The following CSMD1 variants were observed in gnomAD, a reference collection of about 807,000 sequenced individuals.
CSMD1 encodes CUB and Sushi multiple domains 1.
Under a neutral mutation model 417.5 loss-of-function variants are expected in CSMD1, and 213 were observed. The ratio of observed to expected loss-of-function variants is 0.51; its 90% CI spans 0.46 to 0.57. The LOEUF (loss-of-function observed/expected upper bound fraction) is 0.57. CSMD1 is among the 20% of genes least tolerant of loss of function. CSMD1 has a pLI of 0.00. For synonymous variants in CSMD1, 2,862 were observed against 1,736.8 expected (o/e 1.65, Z -16.11); for missense variants, 6,923 against 4,529.7 (o/e 1.53, Z -15.17).
Position 4,929,632 on chromosome 8 carries a change from A to T in CSMD1, c.85+64700T>A, listed in dbSNP as rs373567310. Among the ~76,000 whole-genome samples, 36 of 152,210 alleles carry T rather than the reference A, an allele frequency of 2.4e-4. 1 individual carries two copies. The East Asian group carries it at 6.2e-3, about 26-fold the overall frequency. Reference sequence around the variant, plus strand: ...GATTTCATCATTTGTCACCATTTTCATCTGATTCAATTAACTGACACATCA... The same window carrying T: ...GATTTCATCATTTGTCACCATTTTCTTCTGATTCAATTAACTGACACATCA... On this transcript the variant is annotated intron_variant, in intron 1 of 69. Coordinates refer to ENST00000635120, the MANE Select transcript of CSMD1 (RefSeq NM_033225.6).
At chr8:3,472,491 C>CA (rs1817164091) in intron 11 of CSMD1, among the ~76,000 whole-genome samples, 1 of 152,074 alleles carries the variant, frequency 6.6e-6, no homozygotes, top group Non-Finnish European at 1.5e-5. Context: ...CCATCTCTGA[C>CA]AAAACTCCAA....
chr8:4,280,707 A>G (rs1295949551), intron 3 of CSMD1, among the ~76,000 whole-genome samples: 1 of 152,222 alleles, frequency 6.6e-6, no homozygotes, highest in Non-Finnish European at 1.5e-5. Context: ...CTCTATAGCA[A>G]TACCGTGTAA....
At chr8:3,606,510 C>A (rs1334505159) in intron 8 of CSMD1, among the ~76,000 whole-genome samples, 1 of 72,556 alleles carries the variant, frequency 1.4e-5, no homozygotes, top group Non-Finnish European at 3.9e-5. Context: ...ATAGGGTACT[C>A]CCTATGAATG....
chr8:4,209,144 A>T (rs1247634907), intron 3 of CSMD1, among the ~76,000 whole-genome samples: 3 of 152,138 alleles, frequency 2.0e-5, no homozygotes, highest in Non-Finnish European at 4.4e-5. Flanking sequence ...TCTATCTAAA[A>T]CCAAAATCTG....
At chr8:3,507,454 A>G (rs975803477) in intron 10 of CSMD1, among the ~76,000 whole-genome samples, 1 of 152,160 alleles carries the variant, frequency 6.6e-6, no homozygotes, top group Non-Finnish European at 1.5e-5. Context: ...GAATAGTGCC[A>G]CAGTAAACAT....
At chr8:3,473,253 A>T (rs763950088) in intron 11 of CSMD1, among the ~76,000 whole-genome samples, 5 of 152,200 alleles carry the variant, frequency 3.3e-5, no homozygotes, top group Admixed American at 6.5e-5. Context: ...GCACACTGCC[A>T]TATTCCACAC....
intron 5 of CSMD1, among the ~76,000 whole-genome samples, chr8:3,756,299 G>C (rs915277442): frequency 6.6e-6 from 1 of 151,266 alleles, no homozygotes; most frequent in Non-Finnish European, 1.5e-5. Context: ...CTTGCAGTGA[G>C]CTGAGATCGC....
intron 1 of CSMD1, among the ~76,000 whole-genome samples, chr8:4,665,016 C>G (rs1436762236): frequency 6.6e-6 from 1 of 152,008 alleles, no homozygotes; most frequent in Non-Finnish European, 1.5e-5. Flanking sequence ...TTATTATTAC[C>G]AAATATTTTA....
chr8:3,752,129 T>C (rs1364062217), intron 6 of CSMD1, among the ~76,000 whole-genome samples: 1 of 152,066 alleles, frequency 6.6e-6, no homozygotes, highest in Non-Finnish European at 1.5e-5. Context: ...CCACCTTTAC[T>C]CCATTCTAAC....
chr8:4,651,633 T>G (rs2130896697), intron 1 of CSMD1, among the ~76,000 whole-genome samples: 1 of 152,320 alleles, frequency 6.6e-6, no homozygotes, highest in East Asian at 1.9e-4. Context: ...CATAAGATCC[T>G]TACACATCTT....
intron 5 of CSMD1, among the ~76,000 whole-genome samples, chr8:3,858,544 G>A (rs1223201497): frequency 1.3e-5 from 2 of 152,146 alleles, no homozygotes; most frequent in Admixed American, 1.3e-4. Context: ...ATAGAGCAAG[G>A]TGTTAACTGC....
intron 3 of CSMD1, among the ~76,000 whole-genome samples, chr8:4,368,137 A>T (rs775013074): frequency 2.6e-5 from 4 of 152,022 alleles, no homozygotes; most frequent in Non-Finnish European, 5.9e-5. Flanking sequence ...TATGGTGTTC[A>T]TAGATGATCA....
At chr8:3,678,646 A>G (rs1386711820) in intron 7 of CSMD1, among the ~76,000 whole-genome samples, 2 of 152,202 alleles carry the variant, frequency 1.3e-5, no homozygotes, top group Admixed American at 6.5e-5. Context: ...TCCCCAACCT[A>G]GCAAGGCAGG....
chr8:4,701,453 G>T (rs775994946), intron 1 of CSMD1, among the ~76,000 whole-genome samples: 1 of 151,828 alleles, frequency 6.6e-6, no homozygotes, highest in African/African-American at 2.4e-5. Context: ...GATGGGGAGG[G>T]GCCATGCACA....
chr8:3,291,025 T>G (rs1023899547), intron 25 of CSMD1, among the ~76,000 whole-genome samples: 6 of 152,196 alleles, frequency 3.9e-5, no homozygotes, highest in African/African-American at 1.4e-4. Context: ...TTGAGAGTTT[T>G]TAGCATGAAG....
At chr8:3,231,042 T>C (rs1188600890) in intron 26 of CSMD1, among the ~76,000 whole-genome samples, 1 of 152,090 alleles carries the variant, frequency 6.6e-6, no homozygotes, top group Non-Finnish European at 1.5e-5. Context: ...TATGCAGCCA[T>C]CGACTCTGCC....
At chr8:3,291,952 T>C (rs555758262) in intron 25 of CSMD1, among the ~76,000 whole-genome samples, 30 of 152,216 alleles carry the variant, frequency 2.0e-4, no homozygotes, top group African/African-American at 7.2e-4. Flanking sequence ...CTGCTTTCTC[T>C]TGTGGGCATT....
chr8:4,658,516 T>G (rs771702390), intron 1 of CSMD1, among the ~76,000 whole-genome samples: 1 of 152,170 alleles, frequency 6.6e-6, no homozygotes, highest in Non-Finnish European at 1.5e-5. Context: ...CTATTCTACA[T>G]TCAGCAAACT....
chr8:4,414,817 G>C (rs1416535462), intron 3 of CSMD1, among the ~76,000 whole-genome samples: 5 of 152,068 alleles, frequency 3.3e-5, no homozygotes, highest in East Asian at 1.9e-4. Context: ...TTTCCTTAGA[G>C]TTAGTTATTG....
Sources: allele counts gnomAD v4.1 joint callset (sites outside exome capture counted in the v4.1 genomes callset), GRCh38; gene constraint gnomAD v4.1.1; transcripts MANE v1.5; gene names NCBI Gene and HGNC (gene_info 2026-07-23, HGNC 2026-07-21).